PAPOLA: variants seen among roughly 807,000 people sequenced by gnomAD.
The protein encoded by PAPOLA is polynucleotide adenylyltransferase alpha.
A neutral mutation model predicts 100.6 loss-of-function variants in PAPOLA; 15 were observed. That is an observed-to-expected ratio of 0.15 (90% confidence interval 0.10 to 0.23). The LOEUF is 0.23. Among genes scored for constraint, PAPOLA ranks in the 10% least tolerant of loss-of-function variants. The pLI, the probability that PAPOLA is intolerant of heterozygous loss-of-function variation, is 1.00. For synonymous variants in PAPOLA, 293 were observed against 300.0 expected, an observed-to-expected ratio of 0.98 and a Z score of 0.24; for missense variants, 533 against 884.2, an observed-to-expected ratio of 0.60 and a Z score of 5.04.
Position 96,565,902 on chromosome 14 carries a change from A to C in PAPOLA, c.*852A>C, listed in dbSNP as rs1157148770. On this transcript the variant is annotated 3_prime_UTR_variant, in exon 22 of 22. Coordinates refer to ENST00000216277, the MANE Select transcript of PAPOLA (RefSeq NM_032632.5). ...CTTTTTCTTTTTGCTTGTATGCACA[A>C]GGTAGGACTTACTTCGTAAGAAACA... The C allele has an allele frequency of 5.0e-6, 2 of 398,462 alleles. No homozygotes were observed. Among genetic ancestry groups the C allele is most frequent in the African/African-American group, 2.1e-5 (1 of 48,596 alleles). 24.7% of individuals were successfully genotyped at this position (398,462 alleles called of 1,614,324 possible).
chr14:96,521,046 TG>T lies in PAPOLA; in HGVS notation c.225del (p.Trp75Ter). On this transcript the variant is annotated frameshift_variant, in exon 3 of 22. Coordinates refer to ENST00000216277, the MANE Select transcript of PAPOLA (RefSeq NM_032632.5). LOFTEE classifies it high-confidence loss of function. ...AAAACTAAATAACCTGGTAAAAGAG[TG>T]GATACGAGAAATCAGTGAAAGCAAG... Reference protein sequence around the residue: ...LGKLNNLVKEWIREISESKNL... With the variant: ...LGKLNNLVKEXIREISESKNL... The T allele has an allele frequency of 6.4e-7, 1 of 1,562,366 alleles. No individual in the cohort carries two copies. The highest frequency in any genetic ancestry group is 8.8e-7 in the Non-Finnish European group (1 of 1,135,668).
In PAPOLA at chr14:96,550,011, G is replaced by A. The variant is rs557911911; in HGVS notation, c.1521+2093G>A. ...CTAAAAAAAAATTTTTTTGAGAATG[G>A]TGGCCTGGGCCTTATAGTCCTAGCT... On this transcript the variant is annotated intron_variant, in intron 16 of 21. Coordinates refer to ENST00000216277, the MANE Select transcript of PAPOLA (RefSeq NM_032632.5). Among the ~76,000 whole-genome samples the A allele has an allele frequency of 2.6e-5, 4 of 152,266 alleles. No homozygotes were observed. In the South Asian group the frequency reaches 8.3e-4, roughly 32 times the overall value.
chr14:96,555,969 G>T, intron 18 of PAPOLA, 22 bp downstream of exon 18: 1 of 1,474,030 alleles, frequency 6.8e-7, no homozygotes, highest in Non-Finnish European at 9.5e-7. Context: ...GGGTTTGTCA[G>T]GTTTGAGAAT....
At chr14:96,509,047 T>C (rs1263544021) in intron 1 of PAPOLA, among the ~76,000 whole-genome samples, 1 of 152,194 alleles carries the variant, frequency 6.6e-6, no homozygotes, top group Admixed American at 6.5e-5. Flanking sequence ...TCTTTATTTA[T>C]TTTTGAGACA....
chr14:96,510,741 A>G (rs934547519), intron 1 of PAPOLA, among the ~76,000 whole-genome samples: 2 of 152,246 alleles, frequency 1.3e-5, no homozygotes, highest in African/African-American at 4.8e-5. Context: ...TTTTAAGAAT[A>G]TAGTGGGATC....
chr14:96,556,791 A>G (rs1024085471), intron 19 of PAPOLA, among the ~76,000 whole-genome samples: 2 of 152,126 alleles, frequency 1.3e-5, no homozygotes, highest in African/African-American at 4.8e-5. Flanking sequence ...TGTGATCCAA[A>G]AGGAGTTTTG....
Position 96,502,402 on chromosome 14 carries a change from C to T in PAPOLA, c.-191C>T, listed in dbSNP as rs1180009265. The stretch of plus-strand genomic sequence containing the variant: ...GTTCTAGAACGTTGCTGTGGTAGCG[C>T]TCGGGCGCCATGTTAGGACGAAGGG... On this transcript the variant is annotated 5_prime_UTR_variant, in exon 1 of 22. Transcript: ENST00000216277. 7.2e-6 allele frequency: 5 copies of T among 697,440 alleles called. No individual in the cohort carries two copies. The East Asian group carries it at 1.4e-4, about 19-fold the overall frequency. The allele number at this position is 697,440 out of a possible 1,614,324, so 43.2% of individuals were successfully genotyped here.
At chr14:96,553,122 G>A (rs1900984060) in intron 17 of PAPOLA, 1 of 152,670 alleles carries the variant, frequency 6.6e-6, no homozygotes, top group Non-Finnish European at 1.5e-5. Flanking sequence ...TGTTGTTTAG[G>A]CTGGCCTTGA....
intron 12 of PAPOLA, among the ~76,000 whole-genome samples, chr14:96,541,459 A>G (rs1899983099): frequency 6.6e-6 from 1 of 152,196 alleles, no homozygotes; most frequent in Non-Finnish European, 1.5e-5. Flanking sequence ...TAAAATGGGT[A>G]CTGTAGAAGA....
chr14:96,536,897 A>C (rs1298319207), intron 11 of PAPOLA, 79 bp from the exon 12 acceptor site: 6 of 801,414 alleles, frequency 7.5e-6, no homozygotes, highest in Non-Finnish European at 8.7e-6. Context: ...TAGTGAGTGC[A>C]TGTAGTATGA....
At chr14:96,505,299 C>G (rs1896630404) in intron 1 of PAPOLA, among the ~76,000 whole-genome samples, 1 of 152,096 alleles carries the variant, frequency 6.6e-6, no homozygotes, top group Non-Finnish European at 1.5e-5. Flanking sequence ...AAAAATGTCT[C>G]CAGATATTAC....
At chr14:96,513,267 C>T (rs993693797) in intron 1 of PAPOLA, among the ~76,000 whole-genome samples, 1 of 152,050 alleles carries the variant, frequency 6.6e-6, no homozygotes, top group East Asian at 1.9e-4. Context: ...TGGGGCCTTT[C>T]TATGTTGCCC....
At position 96,502,737 on chromosome 14, in the gene PAPOLA, A is replaced by T. The variant is rs567138764; in HGVS notation, c.8+137A>T. 200 of 899,294 alleles carry T rather than the reference A, an allele frequency of 2.2e-4. No homozygotes were observed. In the South Asian group the frequency reaches 3.8e-3, roughly 17 times the overall value. 55.7% of individuals were successfully genotyped at this position (899,294 alleles called of 1,614,324 possible). ...TGGTAGGAGGCAGGCAGGACTGGGG[A>T]CCTTCCTGTTTCCTCGCTCGCTCGC... On this transcript the variant is annotated intron_variant, in intron 1 of 21. Transcript: ENST00000216277.
At chr14:96,513,836 C>T (rs185758664) in intron 1 of PAPOLA, among the ~76,000 whole-genome samples, 59 of 152,212 alleles carry the variant, frequency 3.9e-4, no homozygotes, top group Middle Eastern at 3.4e-3. Context: ...CTTTAACTTT[C>T]CTTATGTGCT....
At chr14:96,508,614 T>A (rs1448435839) in intron 1 of PAPOLA, among the ~76,000 whole-genome samples, 1 of 152,222 alleles carries the variant, frequency 6.6e-6, no homozygotes, top group Non-Finnish European at 1.5e-5. Flanking sequence ...GGTAACTAAG[T>A]CAACTTTAGG....
chr14:96,547,741 A>G (rs1447090982), intron 15 of PAPOLA, 56 bp from the exon 16 acceptor site: 2 of 1,403,224 alleles, frequency 1.4e-6, no homozygotes, highest in Non-Finnish European at 9.8e-7. Context: ...TGGAGTGAGT[A>G]TAACTGCCTT....
At chr14:96,551,660 A>G (rs116261339) in intron 16 of PAPOLA, among the ~76,000 whole-genome samples, 2,137 of 144,216 alleles carry the variant, frequency 0.015, 46 homozygotes, top group African/African-American at 0.05. Context: ...ACATTCTGGA[A>G]AAAAAAATTA....
At chr14:96,557,921 A>G (rs980721143) in intron 19 of PAPOLA, among the ~76,000 whole-genome samples, 11 of 151,870 alleles carry the variant, frequency 7.2e-5, no homozygotes, top group African/African-American at 2.7e-4. Context: ...GTTATGATGT[A>G]TTTTTTAATT....
At chr14:96,537,259 C>T (rs111722912) in intron 12 of PAPOLA, 199 bp downstream of exon 12, 194 of 548,960 alleles carry the variant, frequency 3.5e-4, no homozygotes, top group African/African-American at 3.0e-3. Context: ...TTTTTCTGCC[C>T]GATCTAACTG....
Sources: gnomAD v4.1 joint callset for allele counts (sites outside exome capture counted in the v4.1 genomes callset) on GRCh38, gnomAD v4.1.1 for gene constraint, MANE v1.5 for transcripts, NCBI Gene and HGNC (gene_info 2026-07-23, HGNC 2026-07-21) for gene names.